Variants in TRIP12 observed in about 807,000 individuals in gnomAD.
TRIP12 encodes the protein thyroid hormone receptor interactor 12.
A neutral mutation model predicts 244.2 loss-of-function variants in TRIP12; 25 were observed. That is an observed-to-expected ratio of 0.10 (90% CI 0.07 to 0.14). The LOEUF (loss-of-function observed/expected upper bound fraction) is 0.14. TRIP12 is among the 10% of genes least tolerant of loss of function. The pLI, the probability that TRIP12 is intolerant of heterozygous loss-of-function variation, is 1.00. For synonymous variants in TRIP12, 905 were observed against 873.1 expected, an observed-to-expected ratio of 1.04 and a Z score of -0.64; for missense variants, 1,677 against 2,486.4, an observed-to-expected ratio of 0.67 and a Z score of 6.92.
At chr2:229,784,043 G>A (rs542231377) in intron 34 of TRIP12, among the ~76,000 whole-genome samples, 1 of 150,170 alleles carries the variant, frequency 6.7e-6, no homozygotes, top group Non-Finnish European at 1.5e-5. Context: ...CCAGGAGGCA[G>A]AGGTTGCAGT....
intron 1 of TRIP12, among the ~76,000 whole-genome samples, chr2:229,912,356 T>G (rs1187081747): frequency 6.6e-6 from 1 of 152,190 alleles, no homozygotes; most frequent in Non-Finnish European, 1.5e-5. Context: ...TTTGTACACC[T>G]TTTTCACATC....
At chr2:229,878,436 A>G (rs541909609) in intron 2 of TRIP12, among the ~76,000 whole-genome samples, 62 of 150,464 alleles carry the variant, frequency 4.1e-4, no homozygotes, top group African/African-American at 1.4e-3. Flanking sequence ...GGCGACAGCA[A>G]CTGTTTTAAA....
intron 17 of TRIP12, chr2:229,806,251 C>T (rs923591451): frequency 1.0e-3 from 164 of 157,662 alleles, no homozygotes; most frequent in African/African-American, 3.5e-3. Flanking sequence ...TCTTAGTATT[C>T]TTAGATTAAA....
intron 8 of TRIP12, among the ~76,000 whole-genome samples, chr2:229,826,816 A>C (rs2051759431): frequency 6.6e-6 from 1 of 152,226 alleles, no homozygotes; most frequent in African/African-American, 2.4e-5. Context: ...AGATTAAAAA[A>C]TGGTACGTCT....
intron 1 of TRIP12, among the ~76,000 whole-genome samples, chr2:229,895,036 T>A (rs1454904257): frequency 2.0e-5 from 3 of 152,088 alleles, no homozygotes; most frequent in Admixed American, 1.3e-4. Flanking sequence ...AAACAAGGCA[T>A]CATGAATAAA....
At chr2:229,825,967 A>C (rs2051447210) in intron 8 of TRIP12, among the ~76,000 whole-genome samples, 1 of 152,240 alleles carries the variant, frequency 6.6e-6, no homozygotes, top group Admixed American at 6.5e-5. Flanking sequence ...ACTGCTTACA[A>C]TTATACTTAA....
Position 229,778,053 on chromosome 2 carries a change from T to C in TRIP12, c.5364+380A>G, listed in dbSNP as rs1056415637. On this transcript the variant is annotated intron_variant, in intron 36 of 41. Transcript: ENST00000675903. The surrounding 1 kb of genome is among the most constrained non-coding windows in gnomAD (Gnocchi z 4.1). ...TCACAACAGCACTCTAATGTAAATTTAATGAAGTTTAGTTACATGCACAAA... is the reference window on the plus strand; with the variant it reads ...TCACAACAGCACTCTAATGTAAATTCAATGAAGTTTAGTTACATGCACAAA... 1.3e-5 allele frequency among the ~76,000 whole-genome samples: 2 copies of C among 152,202 alleles called. No homozygotes were observed. Among genetic ancestry groups the C allele is most frequent in the Non-Finnish European group, 2.9e-5 (2 of 68,036 alleles).
At position 229,899,679 on chromosome 2, in the gene TRIP12, C is replaced by T. The variant is rs1040765065; in HGVS notation, c.-49-19551G>A. The stretch of plus-strand genomic sequence containing the variant: ...AACCCGAGCCCTAGGGGTGGCAATA[C>T]ACATTCCAGGAAGAGCTGGTATATA... On this transcript the variant is annotated intron_variant, in intron 1 of 41. Coordinates refer to ENST00000675903, the MANE Select transcript of TRIP12 (RefSeq NM_001348323.3). Among the ~76,000 whole-genome samples, 5 of 152,266 alleles carry T rather than the reference C, an allele frequency of 3.3e-5. No homozygotes were observed. The East Asian group carries it at 7.7e-4, about 23-fold the overall frequency.
chr2:229,895,499 AG>A (rs2068562141), intron 1 of TRIP12, among the ~76,000 whole-genome samples: 2 of 151,926 alleles, frequency 1.3e-5, no homozygotes, highest in South Asian at 4.1e-4. Flanking sequence ...GAGCTCAAAC[AG>A]GATAAATAAA....
At chr2:229,913,188 G>T (rs1175796673) in intron 1 of TRIP12, among the ~76,000 whole-genome samples, 2 of 152,082 alleles carry the variant, frequency 1.3e-5, no homozygotes, top group African/African-American at 4.8e-5. Context: ...AATTTATTTA[G>T]TATAGCCACA....
chr2:229,795,369 T>G, intron 25 of TRIP12, 39 bp from the exon 26 acceptor site: 3 of 1,569,380 alleles, frequency 1.9e-6, no homozygotes, highest in Non-Finnish European at 2.6e-6. Flanking sequence ...AACAAAGCCT[T>G]TTCAAAACAA....
Position 229,815,137 on chromosome 2 carries a change from C to T in TRIP12, c.1693G>A (p.Ala565Thr), listed in dbSNP as rs1575419675. Reference protein sequence around the residue: ...YMMEALPRSSAVVVDAIPVFL... With the variant: ...YMMEALPRSSTVVVDAIPVFL... ...ACAGGAATAGCATCTACTACAACAGCAGAAGATCGAGGAAGTGCTTCCATC... is the reference window on the plus strand; with the variant it reads ...ACAGGAATAGCATCTACTACAACAGTAGAAGATCGAGGAAGTGCTTCCATC... The change falls in exon 11 of 42, where the codon GCT (alanine) becomes ACT (threonine). Residue 565 changes from alanine (A) to threonine (T), a missense_variant. By Grantham distance (58) the Ala-to-Thr change is moderately conservative. Around this residue, in one of 11 missense-constraint regions of TRIP12, gnomAD observed 572 missense variants for 867.8 expected, o/e 0.66. Coordinates refer to ENST00000675903, the MANE Select transcript of TRIP12 (RefSeq NM_001348323.3). The T allele has an allele frequency of 2.5e-6, 4 of 1,612,944 alleles. No individual in the cohort carries two copies. In the East Asian group the frequency reaches 8.9e-5, roughly 36 times the overall value.
chr2:229,779,205 A>G (rs1358558652), intron 34 of TRIP12, among the ~76,000 whole-genome samples: 1 of 152,202 alleles, frequency 6.6e-6, no homozygotes, highest in Non-Finnish European at 1.5e-5. Flanking sequence ...TAAGGCCCCA[A>G]CATGTCAGTT....
intron 20 of TRIP12, among the ~76,000 whole-genome samples, chr2:229,803,271 A>C (rs554305052): frequency 6.6e-6 from 1 of 152,130 alleles, no homozygotes; most frequent in South Asian, 2.1e-4. Context: ...GCACCACCAC[A>C]CCCCGCTAAT....
rs180963592 is a variant in TRIP12, at chr2:229,776,859, T to G, written c.5529+456A>C. On this transcript the variant is annotated intron_variant, in intron 37 of 41. Coordinates refer to ENST00000675903, the MANE Select transcript of TRIP12 (RefSeq NM_001348323.3). ...ATCTATGAGATGTCACAGAGAAACC[T>G]CAAAATGTATTACCAAGGAATAGTT... Among the ~76,000 whole-genome samples the G allele has an allele frequency of 2.6e-5, 4 of 152,300 alleles. No homozygotes were observed. The East Asian group carries it at 7.7e-4, about 29-fold the overall frequency.
intron 36 of TRIP12, among the ~76,000 whole-genome samples, chr2:229,777,862 G>A (rs79962862): frequency 0.022 from 3,423 of 152,266 alleles, 137 homozygotes; most frequent in African/African-American, 0.078. Flanking sequence ...CTGATAAAGT[G>A]CCTCCGAAAA....
At chr2:229,783,637 T>G (rs1267055224) in intron 34 of TRIP12, among the ~76,000 whole-genome samples, 1 of 152,096 alleles carries the variant, frequency 6.6e-6, no homozygotes, top group Non-Finnish European at 1.5e-5. Flanking sequence ...CAGATAAGTG[T>G]ACACCACATT....
intron 2 of TRIP12, among the ~76,000 whole-genome samples, chr2:229,863,024 T>A (rs887362540): frequency 3.3e-5 from 5 of 151,992 alleles, no homozygotes. Flanking sequence ...GGTCAGGAGT[T>A]CAAGACCAGC....
At chr2:229,822,197 T>A (rs534041252) in intron 8 of TRIP12, among the ~76,000 whole-genome samples, 3 of 152,188 alleles carry the variant, frequency 2.0e-5, no homozygotes, top group African/African-American at 7.2e-5. Flanking sequence ...GAAGTTTTGA[T>A]AAGATAGAAG....
Sources: allele counts gnomAD v4.1 joint callset (sites outside exome capture counted in the v4.1 genomes callset), GRCh38; gene constraint gnomAD v4.1.1; regional missense constraint gnomAD v4.1.1; non-coding constraint Gnocchi (gnomAD v3.1); transcripts MANE v1.5; gene names NCBI Gene and HGNC (gene_info 2026-07-23, HGNC 2026-07-21).